Variants in MAPKAPK3 observed in about 807,000 individuals in gnomAD.
MAPKAPK3 encodes MAPK activated protein kinase 3, also known as MAP kinase-activated protein kinase 3.
MAPKAPK3 carries 35 observed loss-of-function variants against 49.2 expected under a neutral mutation model. The ratio of observed to expected loss-of-function variants is 0.71; its 90% CI spans 0.54 to 0.94. MAPKAPK3 has a LOEUF of 0.94. Ranked by LOEUF, MAPKAPK3 falls within the 40% of genes least tolerant of loss-of-function variation. The pLI, the probability that MAPKAPK3 is intolerant of heterozygous loss-of-function variation, is 0.00. For missense variants in MAPKAPK3, 398 were observed against 493.1 expected (o/e 0.81, Z 1.83); for synonymous variants, 178 against 188.7 (o/e 0.94, Z 0.46).
At chr3:50,636,917 C>A (rs543090686) in intron 2 of MAPKAPK3, among the ~76,000 whole-genome samples, 2 of 152,092 alleles carry the variant, frequency 1.3e-5, no homozygotes, top group East Asian at 3.9e-4. Flanking sequence ...GCCAGTGGGG[C>A]GTTTATTATA....
intron 2 of MAPKAPK3, among the ~76,000 whole-genome samples, chr3:50,639,782 G>A (rs1416603941): frequency 6.6e-6 from 1 of 152,084 alleles, no homozygotes; most frequent in African/African-American, 2.4e-5. Context: ...AGATTTGCGT[G>A]TTAGTGCACC....
chr3:50,648,132 C>A lies in MAPKAPK3; in HGVS notation c.*86C>A. 1.5e-6 allele frequency: 2 copies of A among 1,353,154 alleles called. No homozygotes were observed. The highest frequency in any genetic ancestry group is 1.0e-6 in the Non-Finnish European group (1 of 994,026). 83.8% of individuals were successfully genotyped at this position (1,353,154 alleles called of 1,614,324 possible). A position where few individuals can be genotyped will look rare whatever the true frequency, so the allele number is the denominator to read the frequency against. ...GGCCCTGGCCAGGAGGGCCCAGGGT[C>A]ATTCTTTTAACAAAAGGATTATTTT... On this transcript the variant is annotated 3_prime_UTR_variant, in exon 11 of 11. Transcript: ENST00000621469.
At chr3:50,621,691 C>T (rs977969410) in intron 2 of MAPKAPK3, among the ~76,000 whole-genome samples, 5 of 150,852 alleles carry the variant, frequency 3.3e-5, no homozygotes, top group African/African-American at 9.8e-5. Context: ...GATGATTGCT[C>T]GAGCCTAGGG....
At chr3:50,624,099 C>T (rs977172555) in intron 2 of MAPKAPK3, among the ~76,000 whole-genome samples, 8 of 152,228 alleles carry the variant, frequency 5.3e-5, no homozygotes, top group African/African-American at 1.9e-4. Flanking sequence ...GCCCAGAGCA[C>T]CACGGGCAGG....
At chr3:50,642,141 C>A in intron 4 of MAPKAPK3, 112 bp from the exon 5 acceptor site, 1 of 744,528 alleles carries the variant, frequency 1.3e-6, no homozygotes, top group South Asian at 1.5e-5. Context: ...GGAGTGCTGT[C>A]ACTGTCTTCT....
chr3:50,634,151 C>T (rs2032976591), intron 2 of MAPKAPK3, among the ~76,000 whole-genome samples: 1 of 152,200 alleles, frequency 6.6e-6, no homozygotes, highest in Admixed American at 6.5e-5. Flanking sequence ...GAGCCTGAGG[C>T]CTGTGGTCAC....
chr3:50,638,376 T>C (rs2033092326), intron 2 of MAPKAPK3, among the ~76,000 whole-genome samples: 2 of 152,098 alleles, frequency 1.3e-5, no homozygotes, highest in Admixed American at 1.3e-4. Context: ...GCACTGAGCT[T>C]TCTGGTCCCA....
chr3:50,611,595 G>T (rs532551963), upstream of MAPKAPK3: 23 of 1,522,796 alleles, frequency 1.5e-5, no homozygotes, highest in Non-Finnish European at 2.0e-5. Context: ...TGCGCCCCTC[G>T]TGGTGGCCGG....
chr3:50,644,451 C>CT lies in MAPKAPK3; in HGVS notation c.549dup (p.Lys184Ter). On this transcript the variant is annotated frameshift_variant, in exon 6 of 11. Coordinates refer to ENST00000621469, the MANE Select transcript of MAPKAPK3 (RefSeq NM_001243925.2). LOFTEE classifies it high-confidence loss of function. ...CACATCTAAGGAGAAAGACGCAGTG[C>CT]TTAAGCTCACCGATTTTGGCTTTGC... 6.2e-7 allele frequency: 1 copy of CT among 1,614,200 alleles called. No homozygotes were observed. The highest frequency in any genetic ancestry group is 8.5e-7 in the Non-Finnish European group (1 of 1,180,024).
rs559915805 is a variant in MAPKAPK3 at position 50,636,351 on chromosome 3, C to T, written c.220-4015C>T. On this transcript the variant is annotated intron_variant, in intron 2 of 10. Transcript: ENST00000621469. ...GTGGTGATAATGAAGTCCTTTCCTC[C>T]TAATGTTTATAAAGTACTCCAAACA... Among the ~76,000 whole-genome samples, 31 of 152,296 alleles carry T rather than the reference C, an allele frequency of 2.0e-4. No individual in the cohort carries two copies. The South Asian group carries it at 6.4e-3, about 32-fold the overall frequency.
At chr3:50,632,685 G>A (rs1363258752) in intron 2 of MAPKAPK3, among the ~76,000 whole-genome samples, 3 of 152,226 alleles carry the variant, frequency 2.0e-5, no homozygotes, top group African/African-American at 7.2e-5. Flanking sequence ...CTCTTACCCC[G>A]GAAACAGTGG....
At chr3:50,647,336 C>A in intron 10 of MAPKAPK3, 133 bp downstream of exon 10, 1 of 697,192 alleles carries the variant, frequency 1.4e-6, no homozygotes, top group South Asian at 1.8e-5. Flanking sequence ...CAGTGACTGT[C>A]GCAGTGGTCC....
chr3:50,647,059 G>A, intron 9 of MAPKAPK3, 64 bp from the exon 10 acceptor site: 1 of 1,375,150 alleles, frequency 7.3e-7, no homozygotes, highest in Non-Finnish European at 1.0e-6. Context: ...GGATGGAGTA[G>A]GGGGAACCAG....
At chr3:50,620,535 C>T (rs2032584849) in intron 2 of MAPKAPK3, among the ~76,000 whole-genome samples, 2 of 152,172 alleles carry the variant, frequency 1.3e-5, no homozygotes, top group Admixed American at 1.3e-4. Context: ...AAGCCTGAAA[C>T]TCAGCAAACA....
intron 5 of MAPKAPK3, among the ~76,000 whole-genome samples, chr3:50,642,976 C>G (rs958744378): frequency 1.3e-5 from 2 of 152,186 alleles, no homozygotes; most frequent in Non-Finnish European, 2.9e-5. Flanking sequence ...CTCAGCCTCC[C>G]AAGTAGCTGG....
intron 2 of MAPKAPK3, among the ~76,000 whole-genome samples, chr3:50,623,112 C>A (rs534965453): frequency 6.6e-6 from 1 of 152,288 alleles, no homozygotes; most frequent in East Asian, 1.9e-4. Context: ...CCAGACCGGT[C>A]AGATCAGCCT....
chr3:50,640,301 T>C, intron 2 of MAPKAPK3, 65 bp from the exon 3 acceptor site: 1 of 1,546,818 alleles, frequency 6.5e-7, no homozygotes, highest in Non-Finnish European at 8.8e-7. Flanking sequence ...GCTTATATGT[T>C]TTTGTCTGCA....
chr3:50,645,247 A>G (rs1428294789), intron 6 of MAPKAPK3, among the ~76,000 whole-genome samples: 1 of 152,196 alleles, frequency 6.6e-6, no homozygotes, highest in Non-Finnish European at 1.5e-5. Flanking sequence ...TACCCACCTC[A>G]TTGCACAGGG....
At chr3:50,639,737 C>T (rs2033129458) in intron 2 of MAPKAPK3, among the ~76,000 whole-genome samples, 2 of 152,222 alleles carry the variant, frequency 1.3e-5, no homozygotes, top group African/African-American at 4.8e-5. Context: ...CTTCTCACTC[C>T]AGCACTCTCC....
Sources: gnomAD v4.1 joint callset for allele counts (sites outside exome capture counted in the v4.1 genomes callset) on GRCh38, gnomAD v4.1.1 for gene constraint, MANE v1.5 for transcripts, NCBI Gene and HGNC (gene_info 2026-07-23, HGNC 2026-07-21) for gene names.